CACNA1C: variants seen among roughly 807,000 people sequenced by gnomAD.
CACNA1C encodes the protein voltage-dependent L-type calcium channel subunit alpha-1C.
A neutral mutation model predicts 229.0 loss-of-function variants in CACNA1C; 30 were observed. That is an observed-to-expected ratio of 0.13 (90% CI 0.10 to 0.18). The LOEUF (loss-of-function observed/expected upper bound fraction) is 0.18, where lower values mean the gene tolerates loss of function less well. CACNA1C is among the 10% of genes least tolerant of loss of function. The pLI, the probability that CACNA1C is intolerant of heterozygous loss-of-function variation, is 1.00. For missense variants in CACNA1C, 1,658 were observed against 2,845.0 expected (o/e 0.58, Z 9.49); for synonymous variants, 1,114 against 1,132.5 (o/e 0.98, Z 0.33).
At chr12:2,305,114 C>T (rs937985452) in intron 3 of CACNA1C, among the ~76,000 whole-genome samples, 5 of 152,214 alleles carry the variant, frequency 3.3e-5, no homozygotes, top group African/African-American at 9.6e-5. Flanking sequence ...GAATATCCAT[C>T]TTCCCTGATC....
rs981963034 is a variant in CACNA1C at position 2,241,129 on chromosome 12, T to C, written c.477+120699T>C. On this transcript the variant is annotated intron_variant, in intron 3 of 46. Transcript: ENST00000399655. The stretch of plus-strand genomic sequence containing the variant: ...CCTTGCGAGGCTCCTGGCAGCTTTA[T>C]TTCTGACTTGCGAGTGGTTCAAGAA... Among the ~76,000 whole-genome samples the C allele has an allele frequency of 2.0e-5, 3 of 152,066 alleles. No individual in the cohort carries two copies. The East Asian group carries it at 5.8e-4, about 29-fold the overall frequency.
chr12:2,604,031 T>C (rs1056776944), intron 22 of CACNA1C, among the ~76,000 whole-genome samples: 1 of 152,174 alleles, frequency 6.6e-6, no homozygotes, highest in East Asian at 1.9e-4. Flanking sequence ...TCCCTCCTTC[T>C]GGGTCGGGGC....
intron 1 of CACNA1C, among the ~76,000 whole-genome samples, chr12:2,064,594 G>T (rs2058683082): frequency 2.0e-5 from 3 of 152,206 alleles, no homozygotes; most frequent in Admixed American, 1.3e-4. Flanking sequence ...GTCTAGGCAA[G>T]AGAGGCAAAA....
At position 2,651,355 on chromosome 12, in the gene CACNA1C, C is replaced by T. The variant is rs897513241; in HGVS notation, c.3946-285C>T. The T allele has an allele frequency of 1.9e-5, 10 of 540,152 alleles. No homozygotes were observed. In the African/African-American group the frequency reaches 1.9e-4, roughly 10 times the overall value. The allele number at this position is 540,152 out of a possible 1,614,324, so 33.5% of individuals were successfully genotyped here. ...CCTGATGGAGTCGTCTGTCCTCCAT[C>T]CAGGGCATTAAGAACTAGGAATGAA... On this transcript the variant is annotated intron_variant, in intron 31 of 46. Coordinates refer to ENST00000399655, the MANE Select transcript of CACNA1C (RefSeq NM_000719.7). This position sits in a 1 kb window ranked among gnomAD's most constrained non-coding sequence, Gnocchi z 5.4.
intron 9 of CACNA1C, among the ~76,000 whole-genome samples, chr12:2,532,054 C>T (rs956206604): frequency 6.6e-6 from 1 of 152,176 alleles, no homozygotes; most frequent in Admixed American, 6.5e-5. Flanking sequence ...TGGCATCCTC[C>T]CGATGGTGTG....
In CACNA1C at chr12:2,426,592, G is replaced by A. The variant is rs528376746; in HGVS notation, c.478-22384G>A. Among the ~76,000 whole-genome samples, 38 of 152,316 alleles carry A rather than the reference G, an allele frequency of 2.5e-4. No individual in the cohort carries two copies. In the South Asian group the frequency reaches 7.0e-3, roughly 28 times the overall value. On this transcript the variant is annotated intron_variant, in intron 3 of 46. Transcript: ENST00000399655. ...GCTTGTGCTGCGTAACAAACTACCCGGATACTTAGTGGCTTTAAACAACCA... is the reference window on the plus strand; with the variant it reads ...GCTTGTGCTGCGTAACAAACTACCCAGATACTTAGTGGCTTTAAACAACCA...
chr12:2,380,722 A>G (rs1006353001), intron 3 of CACNA1C, among the ~76,000 whole-genome samples: 1 of 152,252 alleles, frequency 6.6e-6, no homozygotes, highest in African/African-American at 2.4e-5. Context: ...AATTAAAGAC[A>G]CAATAATACT....
At chr12:2,173,212 G>A (rs2096548663) in intron 3 of CACNA1C, among the ~76,000 whole-genome samples, 1 of 152,284 alleles carries the variant, frequency 6.6e-6, no homozygotes, top group South Asian at 2.1e-4. Context: ...AAGTCTGAGG[G>A]GAGAAGTTAG....
In CACNA1C at chr12:2,608,492, G is replaced by A; in HGVS notation, c.3357-19G>A. On this transcript the variant is annotated intron_variant, in intron 26 of 46. Coordinates refer to ENST00000399655, the MANE Select transcript of CACNA1C (RefSeq NM_000719.7). This position sits in a 1 kb window ranked among gnomAD's most constrained non-coding sequence, Gnocchi z 4.2. ...CCTGCTTCTCCAGTTCCCTCTGTGG[G>A]ACCTGTCTCCTCCTGCAGGCTGCTG... 6.3e-7 allele frequency: 1 copy of A among 1,586,982 alleles called. No homozygotes were observed. The highest frequency in any genetic ancestry group is 8.6e-7 in the Non-Finnish European group (1 of 1,163,590).
intron 1 of CACNA1C, among the ~76,000 whole-genome samples, chr12:2,085,619 A>G (rs937109307): frequency 6.6e-6 from 1 of 152,150 alleles, no homozygotes; most frequent in African/African-American, 2.4e-5. Context: ...TTAATACCTC[A>G]TAATACACCC....
intron 15 of CACNA1C, 43 bp downstream of exon 15, chr12:2,582,985 C>T: frequency 6.9e-7 from 1 of 1,440,034 alleles, no homozygotes; most frequent in East Asian, 2.5e-5. Flanking sequence ...CCCCCAGCCC[C>T]CAGCCTGCAG....
chr12:2,261,266 G>A (rs951193228), intron 3 of CACNA1C, among the ~76,000 whole-genome samples: 2 of 151,970 alleles, frequency 1.3e-5, no homozygotes, highest in African/African-American at 4.8e-5. Flanking sequence ...AAAAAAAACT[G>A]ATTGCATGTT....
chr12:2,151,965 G>A (rs750916377), intron 3 of CACNA1C, among the ~76,000 whole-genome samples: 2 of 152,202 alleles, frequency 1.3e-5, no homozygotes, highest in Non-Finnish European at 2.9e-5. Flanking sequence ...TGTGGCAGCC[G>A]GTGGATGACT....
intron 3 of CACNA1C, among the ~76,000 whole-genome samples, chr12:2,316,383 ATGTGGTAAACGTTCAAGAG>A (rs2095690492): frequency 6.6e-6 from 1 of 152,218 alleles, no homozygotes; most frequent in Non-Finnish European, 1.5e-5. Flanking sequence ...TGTGCAGGGC[ATGTGGTAAACGTTCAAGAG>A]TGTAGGCTTT....
chr12:2,341,937 A>G (rs1249345158), intron 3 of CACNA1C, among the ~76,000 whole-genome samples: 3 of 152,160 alleles, frequency 2.0e-5, no homozygotes, highest in Non-Finnish European at 4.4e-5. Flanking sequence ...TTTAAGGCCC[A>G]CTGATAGCCT....
chr12:2,551,603 G>A (rs930062610), intron 10 of CACNA1C, among the ~76,000 whole-genome samples: 1 of 152,188 alleles, frequency 6.6e-6, no homozygotes, highest in African/African-American at 2.4e-5. Flanking sequence ...AAGCAGCATG[G>A]GAACTGAGAT....
chr12:2,169,235 T>C (rs989742924), intron 3 of CACNA1C, among the ~76,000 whole-genome samples: 23 of 152,200 alleles, frequency 1.5e-4, no homozygotes, highest in Non-Finnish European at 2.1e-4. Flanking sequence ...GAGTGAACTG[T>C]AAACCAAGGC....
chr12:2,666,635 C>CAGAG lies in CACNA1C; in HGVS notation c.4527-49_4527-46dup, dbSNP rs2096128631. On this transcript the variant is annotated intron_variant, in intron 36 of 46. Coordinates refer to ENST00000399655, the MANE Select transcript of CACNA1C (RefSeq NM_000719.7). The surrounding 1 kb of genome is among the most constrained non-coding windows in gnomAD (Gnocchi z 5.3). ...AGGCGCATGCGTCCTGGGCTGCTGG[C>CAGAG]AGAGACCGTGGCTCTCTGATGCCCT... 1.8e-5 allele frequency: 22 copies of CAGAG among 1,237,184 alleles called. No individual in the cohort carries two copies. The highest frequency in any genetic ancestry group is 2.3e-5 in the Non-Finnish European group (20 of 860,486). The allele number at this position is 1,237,184 out of a possible 1,614,324, so 76.6% of individuals were successfully genotyped here.
chr12:2,600,596 A>ACGCAAGT (rs1410938363), intron 21 of CACNA1C, among the ~76,000 whole-genome samples: 3 of 152,166 alleles, frequency 2.0e-5, no homozygotes, highest in Non-Finnish European at 4.4e-5. Context: ...ACTGGCCCTT[A>ACGCAAGT]CGCAAGTCGG....
Sources: allele counts gnomAD v4.1 joint callset (sites outside exome capture counted in the v4.1 genomes callset), GRCh38; gene constraint gnomAD v4.1.1; non-coding constraint Gnocchi (gnomAD v3.1); transcripts MANE v1.5; gene names NCBI Gene and HGNC (gene_info 2026-07-23, HGNC 2026-07-21).